Variants in ADRA1D observed in about 807,000 individuals in gnomAD.
ADRA1D encodes the protein adrenoceptor alpha 1D.
ADRA1D carries 22 observed loss-of-function variants against 18.6 expected under a neutral mutation model. The ratio of observed to expected loss-of-function variants is 1.19; its 90% confidence interval spans 0.85 to 1.69. The LOEUF is 1.69. ADRA1D is among the 40% of genes most tolerant of loss of function. The probability of loss-of-function intolerance (pLI) is 0.00; values close to 1 mark genes in which losing one functional copy is unlikely to be tolerated. For synonymous variants in ADRA1D, 376 were observed against 388.2 expected (o/e 0.97, Z 0.37); for missense variants, 840 against 840.7 (o/e 1.00, Z 0.01).
intron 1 of ADRA1D, among the ~76,000 whole-genome samples, chr20:4,242,815 T>G (rs1271242975): frequency 6.6e-6 from 1 of 152,082 alleles, no homozygotes; most frequent in East Asian, 1.9e-4. Flanking sequence ...ATCGAAAGCC[T>G]GGGAGCTGTG....
intron 1 of ADRA1D, among the ~76,000 whole-genome samples, chr20:4,242,712 G>A (rs1004975360): frequency 6.6e-6 from 1 of 152,142 alleles, no homozygotes; most frequent in African/African-American, 2.4e-5. Context: ...GGGGGGCCCT[G>A]GGCTCTGAGT....
At position 4,221,748 on chromosome 20, in the gene ADRA1D, C is replaced by T; in HGVS notation, c.1494G>A (p.Arg498=). The change falls in exon 2 of 2, where the codon AGG becomes AGA. Residue 498 remains arginine, a synonymous_variant. Coordinates refer to ENST00000379453, the MANE Select transcript of ADRA1D (RefSeq NM_000678.4). ...TGGGTCTCCGGAACGGCCCCAGCAG[C>T]CTCCACTCGCGGAAGGCGCTGGGTG... ...RKPPSAFREW[R]LLGPFRRPTT... is the part of the protein sequence containing the mutation. 3 of 1,601,548 alleles carry T rather than the reference C, an allele frequency of 1.9e-6. No individual in the cohort carries two copies. The highest frequency in any genetic ancestry group is 2.5e-6 in the Non-Finnish European group (3 of 1,176,680).
chr20:4,229,155 T>G (rs1980896547), intron 1 of ADRA1D, among the ~76,000 whole-genome samples: 1 of 152,186 alleles, frequency 6.6e-6, no homozygotes, highest in South Asian at 2.1e-4. Context: ...GTTTCCTGTC[T>G]TTGCATTCTC....
At chr20:4,229,429 G>A (rs961779705) in intron 1 of ADRA1D, among the ~76,000 whole-genome samples, 80 of 152,314 alleles carry the variant, frequency 5.3e-4, no homozygotes, top group Admixed American at 1.2e-3. Context: ...GGAAGATGGG[G>A]GCGAGTGTGC....
At chr20:4,230,086 G>T (rs1980919026) in intron 1 of ADRA1D, among the ~76,000 whole-genome samples, 1 of 152,022 alleles carries the variant, frequency 6.6e-6, no homozygotes, top group Non-Finnish European at 1.5e-5. Context: ...TATCCATGTG[G>T]CTCACACCCT....
At chr20:4,225,707 T>C (rs1159442066) in intron 1 of ADRA1D, among the ~76,000 whole-genome samples, 2 of 152,158 alleles carry the variant, frequency 1.3e-5, no homozygotes, top group Admixed American at 1.3e-4. Context: ...TGAGCCACCG[T>C]GCCTGGTTTA....
At chr20:4,227,877 G>A (rs570194494) in intron 1 of ADRA1D, among the ~76,000 whole-genome samples, 1 of 151,878 alleles carries the variant, frequency 6.6e-6, no homozygotes, top group East Asian at 1.9e-4. Context: ...AAAGTGCTGG[G>A]ATTACAGGCG....
chr20:4,225,428 C>CTTTTTTTTTTT (rs11474446), intron 1 of ADRA1D, among the ~76,000 whole-genome samples: 5 of 119,540 alleles, frequency 4.2e-5, no homozygotes, highest in African/African-American at 9.5e-5. Flanking sequence ...TTTTTTCTTT[C>CTTTTTTTTTTT]TTTTTTTTTT....
In ADRA1D at chr20:4,248,986, C is replaced by T. The variant is rs1032868058; in HGVS notation, c.-29G>A. 1.5e-6 allele frequency: 2 copies of T among 1,309,110 alleles called. No individual in the cohort carries two copies. The highest frequency in any genetic ancestry group is 2.0e-6 in the Non-Finnish European group (2 of 1,017,970). The allele number at this position is 1,309,110 out of a possible 1,614,324, so 81.1% of individuals were successfully genotyped here. On this transcript the variant is annotated 5_prime_UTR_variant, in exon 1 of 2. Transcript: ENST00000379453. Reference sequence around the variant, plus strand: ...AACGCGCGGCCGTCGGTGGCCGGGCCGGGGCACAGAACGAGCGGCCGGCAG... The same window carrying T: ...AACGCGCGGCCGTCGGTGGCCGGGCTGGGGCACAGAACGAGCGGCCGGCAG...
intron 1 of ADRA1D, among the ~76,000 whole-genome samples, chr20:4,228,966 C>T (rs943410097): frequency 1.3e-5 from 2 of 152,190 alleles, no homozygotes; most frequent in Admixed American, 1.3e-4. Context: ...CCCACATGTT[C>T]CACCCCTCCC....
intron 1 of ADRA1D, among the ~76,000 whole-genome samples, chr20:4,235,795 G>A (rs1370695307): frequency 6.6e-6 from 1 of 152,272 alleles, no homozygotes; most frequent in Non-Finnish European, 1.5e-5. Context: ...TGCAAAGTGA[G>A]GGAAGTCCTA....
chr20:4,220,690 A>G lies in ADRA1D; in HGVS notation c.*833T>C, dbSNP rs1454238440. 1 of 152,438 alleles carries G rather than the reference A, an allele frequency of 6.6e-6. No homozygotes were observed. Among genetic ancestry groups the G allele is most frequent in the Non-Finnish European group, 1.5e-5 (1 of 68,046 alleles). 9.4% of individuals were successfully genotyped at this position (152,438 alleles called of 1,614,324 possible). A position where few individuals can be genotyped will look rare whatever the true frequency, so the allele number is the denominator to read the frequency against. On this transcript the variant is annotated 3_prime_UTR_variant, in exon 2 of 2. Transcript: ENST00000379453. ...TTTAGTTCTTGACAGACTTTAGGGG[A>G]AAAAGTATTTTTTTTTTAATGGGTT...
At chr20:4,231,436 GGC>G (rs1980968570) in intron 1 of ADRA1D, among the ~76,000 whole-genome samples, 1 of 151,996 alleles carries the variant, frequency 6.6e-6, no homozygotes, top group African/African-American at 2.4e-5. Flanking sequence ...TTTTCTAAAA[GGC>G]ATGTTTTTGC....
chr20:4,240,278 G>C (rs1027042415), intron 1 of ADRA1D, among the ~76,000 whole-genome samples: 1 of 152,154 alleles, frequency 6.6e-6, no homozygotes, highest in Non-Finnish European at 1.5e-5. Context: ...CATATGCAAC[G>C]TGTGCTCCTT....
Position 4,248,576 on chromosome 20 carries a change from G to A in ADRA1D, c.382C>T (p.Gln128Ter). 6.2e-7 allele frequency: 1 copy of A among 1,613,798 alleles called. No homozygotes were observed. The highest frequency in any genetic ancestry group is 8.5e-7 in the Non-Finnish European group (1 of 1,179,944). ...ILSVACNRHL[Q>*]TVTNYFIVNL... ...ACGATGAAATAGTTGGTGACGGTCT[G>A]CAGGTGGCGGTTGCAGGCCACTGAG... The change falls in exon 1 of 2, where the codon CAG (glutamine) becomes TAG (stop). Residue 128 changes from glutamine (Q) to a stop codon, truncating the protein, a stop_gained. Transcript: ENST00000379453. LOFTEE classifies it high-confidence loss of function.
At chr20:4,230,045 G>T (rs1263822917) in intron 1 of ADRA1D, among the ~76,000 whole-genome samples, 5 of 152,034 alleles carry the variant, frequency 3.3e-5, no homozygotes, top group Non-Finnish European at 7.4e-5. Context: ...TTGGCCCTTT[G>T]CACTTTTTCC....
At chr20:4,226,426 G>C (rs1980801173) in intron 1 of ADRA1D, among the ~76,000 whole-genome samples, 1 of 152,232 alleles carries the variant, frequency 6.6e-6, no homozygotes, top group Admixed American at 6.5e-5. Flanking sequence ...AGAAGAATCA[G>C]GGAAAAGAAG....
At chr20:4,227,713 T>TCCCTTC (rs5840025) in intron 1 of ADRA1D, among the ~76,000 whole-genome samples, 1 of 41,552 alleles carries the variant, frequency 2.4e-5, no homozygotes, top group Non-Finnish European at 5.7e-5. Flanking sequence ...CCTCCTTCCT[T>TCCCTTC]CCTTCCTTCC....
Position 4,249,021 on chromosome 20 carries a change from C to A in ADRA1D, c.-64G>T, listed in dbSNP as rs1416161643. On this transcript the variant is annotated 5_prime_UTR_variant, in exon 1 of 2. Transcript: ENST00000379453. ...AACGAGCGGCCGGCAGGGAGGGGAG[C>A]ACAGGGCATAGCCGCGGGGCTCCAG... The A allele has an allele frequency of 1.7e-6, 2 of 1,184,328 alleles. No individual in the cohort carries two copies. The highest frequency in any genetic ancestry group is 1.1e-6 in the Non-Finnish European group (1 of 940,074). 73.4% of individuals were successfully genotyped at this position (1,184,328 alleles called of 1,614,324 possible). A position where few individuals can be genotyped will look rare whatever the true frequency, so the allele number is the denominator to read the frequency against.
Sources: allele counts gnomAD v4.1 joint callset (sites outside exome capture counted in the v4.1 genomes callset), GRCh38; gene constraint gnomAD v4.1.1; transcripts MANE v1.5; gene names NCBI Gene and HGNC (gene_info 2026-07-23, HGNC 2026-07-21).